NTRK3: variants seen among roughly 807,000 people sequenced by gnomAD.
NTRK3 encodes the protein neurotrophic receptor tyrosine kinase 3.
NTRK3 carries 24 observed loss-of-function variants against 91.7 expected under a neutral mutation model. The observed-to-expected ratio is 0.26, with a 90% CI of 0.19 to 0.37. The LOEUF (loss-of-function observed/expected upper bound fraction) is 0.37. Among genes scored for constraint, NTRK3 ranks in the 10% least tolerant of loss-of-function variants. The pLI is 1.00. For synonymous variants in NTRK3, 483 were observed against 404.0 expected (o/e 1.20, Z -2.34); for missense variants, 880 against 1,068.9 (o/e 0.82, Z 2.46).
intron 13 of NTRK3, among the ~76,000 whole-genome samples, chr15:88,102,964 A>C (rs989837138): frequency 6.6e-6 from 1 of 152,212 alleles, no homozygotes; most frequent in African/African-American, 2.4e-5. Flanking sequence ...AATACGAAAA[A>C]CAGCCTAATA....
At chr15:88,011,800 C>T (rs930652753) in intron 14 of NTRK3, among the ~76,000 whole-genome samples, 5 of 152,188 alleles carry the variant, frequency 3.3e-5, no homozygotes, top group Admixed American at 6.5e-5. Flanking sequence ...CCCCTCCCTT[C>T]GCCTGCCACT....
At chr15:87,980,947 C>T (rs1432878441) in intron 14 of NTRK3, among the ~76,000 whole-genome samples, 1 of 152,124 alleles carries the variant, frequency 6.6e-6, no homozygotes, top group Non-Finnish European at 1.5e-5. Flanking sequence ...GTCTGGGTAG[C>T]CTGCTGAGAA....
At chr15:87,885,385 T>C (rs1401461910) in intron 17 of NTRK3, among the ~76,000 whole-genome samples, 1 of 151,924 alleles carries the variant, frequency 6.6e-6, no homozygotes, top group Non-Finnish European at 1.5e-5. Flanking sequence ...TGAAATGGTG[T>C]ATGGAAATTG....
intron 17 of NTRK3, among the ~76,000 whole-genome samples, chr15:87,887,530 C>T (rs572750328): frequency 1.3e-5 from 2 of 152,146 alleles, no homozygotes; most frequent in Non-Finnish European, 2.9e-5. Flanking sequence ...AGTAACTGTT[C>T]ATTGTGTGTG....
In NTRK3 at chr15:88,255,887, G is replaced by C. The variant is rs774820493; in HGVS notation, c.248+19C>G. 16 of 1,596,674 alleles carry C rather than the reference G, an allele frequency of 1.0e-5. No individual in the cohort carries two copies. The highest frequency in any genetic ancestry group is 1.4e-5 in the Non-Finnish European group (16 of 1,168,362). On this transcript the variant is annotated intron_variant, in intron 3 of 18. Transcript: ENST00000394480. This position sits in a 1 kb window ranked among gnomAD's most constrained non-coding sequence, Gnocchi z 4.3. ...CAGAGCGCGGGGGAGGCAGGCTGGGGAGCGGCCGCCTGACTTACATGGAAG... is the reference window on the plus strand; with the variant it reads ...CAGAGCGCGGGGGAGGCAGGCTGGGCAGCGGCCGCCTGACTTACATGGAAG...
At chr15:88,170,022 TG>T (rs778307423) in intron 5 of NTRK3, among the ~76,000 whole-genome samples, 105 of 152,152 alleles carry the variant, frequency 6.9e-4, no homozygotes, top group Non-Finnish European at 1.3e-3. Flanking sequence ...ACTATCCCAC[TG>T]AAGCCAAAGA....
intron 3 of NTRK3, among the ~76,000 whole-genome samples, chr15:88,242,368 A>G (rs2141902635): frequency 6.6e-6 from 1 of 152,328 alleles, no homozygotes; most frequent in Admixed American, 6.5e-5. Context: ...TACACCTGGG[A>G]GCAGGTAAAT....
chr15:87,861,421 T>C (rs1430886351), exon 19 of NTRK3: 2 of 207,738 alleles, frequency 9.6e-6, no homozygotes, highest in Non-Finnish European at 2.0e-5. Context: ...AATCAGTGTA[T>C]ATCATTTACA....
intron 13 of NTRK3, among the ~76,000 whole-genome samples, chr15:88,060,226 A>G (rs368698509): frequency 1.3e-5 from 2 of 152,182 alleles, no homozygotes; most frequent in South Asian, 2.1e-4. Flanking sequence ...ACTAAAAAAA[A>G]TACAAAAATT....
At chr15:88,218,626 T>C (rs12591322) in intron 3 of NTRK3, among the ~76,000 whole-genome samples, 125,711 of 152,178 alleles carry the variant, frequency 0.83, 52,637 homozygotes, top group East Asian at 0.99. Flanking sequence ...GCACCACTCT[T>C]GGGCTCACAG....
At position 88,255,617 on chromosome 15, in the gene NTRK3, T is replaced by C. The variant is rs1258086005; in HGVS notation, c.248+289A>G. On this transcript the variant is annotated intron_variant, in intron 3 of 18. Coordinates refer to ENST00000394480, the Ensembl canonical transcript of NTRK3. This position sits in a 1 kb window ranked among gnomAD's most constrained non-coding sequence, Gnocchi z 4.3. ...TGCACCATCGAAACGAGCCAGCAAC[T>C]GGTTGGGAGGCGGGCGGTAGCTGGG... 1.3e-5 allele frequency among the ~76,000 whole-genome samples: 2 copies of C among 151,422 alleles called. No homozygotes were observed. The highest frequency in any genetic ancestry group is 2.9e-5 in the Non-Finnish European group (2 of 67,920).
intron 17 of NTRK3, among the ~76,000 whole-genome samples, chr15:87,910,654 G>A (rs1234312726): frequency 2.6e-5 from 4 of 152,160 alleles, no homozygotes; most frequent in Non-Finnish European, 5.9e-5. Context: ...GGTTTGCAAA[G>A]CAGATGTCTA....
chr15:88,115,382 C>A (rs1006325081), intron 13 of NTRK3, among the ~76,000 whole-genome samples: 5 of 152,238 alleles, frequency 3.3e-5, no homozygotes, highest in African/African-American at 1.2e-4. Flanking sequence ...CCCAGGCCAA[C>A]AACAGGGTGC....
At chr15:88,028,665 C>G (rs2078255181) in intron 14 of NTRK3, among the ~76,000 whole-genome samples, 1 of 152,156 alleles carries the variant, frequency 6.6e-6, no homozygotes, top group Admixed American at 6.5e-5. Flanking sequence ...GATGGAGACG[C>G]TGCTTCCTCT....
chr15:88,176,414 C>T (rs1418443491), intron 5 of NTRK3, among the ~76,000 whole-genome samples: 3 of 152,170 alleles, frequency 2.0e-5, no homozygotes, highest in East Asian at 1.9e-4. Flanking sequence ...GAAGTATAGG[C>T]GTGAGCCACT....
At chr15:88,244,095 C>G (rs1301612072) in intron 3 of NTRK3, among the ~76,000 whole-genome samples, 2 of 150,300 alleles carry the variant, frequency 1.3e-5, no homozygotes, top group Admixed American at 6.6e-5. Flanking sequence ...GTCACTGCTG[C>G]CCCCCCATGA....
Position 88,243,057 on chromosome 15 carries a change from C to CT in NTRK3, c.248+12848dup, listed in dbSNP as rs2052514132. ...TGCAGGCCCTAAAAATTAGGCCCTT[C>CT]TTTCCACCCTCTTCCTTCAACACCA... On this transcript the variant is annotated intron_variant, in intron 3 of 18. Transcript: ENST00000394480. This position sits in a 1 kb window ranked among gnomAD's most constrained non-coding sequence, Gnocchi z 4.8. Among the ~76,000 whole-genome samples the CT allele has an allele frequency of 2.0e-5, 3 of 152,338 alleles. 1 individual carries two copies. In the South Asian group the frequency reaches 6.2e-4, roughly 32 times the overall value.
chr15:87,934,830 A>G (rs1457397517), intron 15 of NTRK3, among the ~76,000 whole-genome samples: 2 of 152,162 alleles, frequency 1.3e-5, no homozygotes, highest in African/African-American at 2.4e-5. Context: ...TTCAGTAGCA[A>G]TGCCTCTAAG....
intron 17 of NTRK3, among the ~76,000 whole-genome samples, chr15:87,888,914 C>A (rs2065697119): frequency 6.6e-6 from 1 of 152,162 alleles, no homozygotes; most frequent in South Asian, 2.1e-4. Context: ...GGGCTTTCTG[C>A]ACGTGTGCAG....
Sources: gnomAD v4.1 joint callset for allele counts (sites outside exome capture counted in the v4.1 genomes callset) on GRCh38, gnomAD v4.1.1 for gene constraint, Gnocchi (gnomAD v3.1) non-coding constraint, MANE v1.5 for transcripts, NCBI Gene and HGNC (gene_info 2026-07-23, HGNC 2026-07-21) for gene names.